The following SENP7 variants were observed in gnomAD, a reference collection of about 807,000 sequenced individuals.
The protein encoded by SENP7 is sentrin-specific protease 7.
SENP7 carries 64 observed loss-of-function variants against 141.2 expected under a neutral mutation model. The observed-to-expected ratio is 0.45, with a 90% confidence interval of 0.37 to 0.56. The LOEUF (loss-of-function observed/expected upper bound fraction) is 0.56. Among genes scored for constraint, SENP7 ranks in the 20% least tolerant of loss-of-function variants. SENP7 has a pLI of 0.00. For missense variants in SENP7, 1,025 were observed against 1,212.2 expected (o/e 0.85, Z 2.29); for synonymous variants, 382 against 426.4 (o/e 0.90, Z 1.28).
chr3:101,429,830 C>G (rs2062095537), intron 4 of SENP7, among the ~76,000 whole-genome samples: 1 of 152,136 alleles, frequency 6.6e-6, no homozygotes, highest in South Asian at 2.1e-4. Context: ...GTGGGTTTGT[C>G]ATAAATAGCT....
rs757589403 is a variant in SENP7 at position 101,367,983 on chromosome 3, A to T, written c.825T>A (p.Asp275Glu). 6.2e-6 allele frequency: 10 copies of T among 1,612,502 alleles called. No homozygotes were observed. The highest frequency in any genetic ancestry group is 1.7e-4 in the Middle Eastern group (1 of 6,054). ...EDLNSGSRGC[D>E]HLEQESRNKD... The stretch of plus-strand genomic sequence containing the variant: ...TGTTTCTGCTTTCCTGTTCGAGATG[A>T]TCACAACCTCTACTTCCACTGTTAA... Residue 275 changes from aspartate to glutamate, a missense_variant, in exon 8 of 24, where the codon GAT (aspartate) becomes GAA (glutamate). Physicochemically the swap from Asp to Glu is conservative, Grantham distance 45. Around this residue, in one of 4 missense-constraint regions of SENP7, gnomAD observed 496 missense variants for 503.5 expected, o/e 0.99. Transcript: ENST00000394095.
chr3:101,431,508 C>CTTTTTTTTTTTTTTTTTTTT (rs56937965), intron 4 of SENP7, among the ~76,000 whole-genome samples: 2 of 82,904 alleles, frequency 2.4e-5, no homozygotes, highest in African/African-American at 9.9e-5. Context: ...GCAACCCCTG[C>CTTTTTTTTTTTTTTTTTTTT]TTTTTTTTTT....
chr3:101,456,642 A>C (rs1409368915), intron 4 of SENP7, among the ~76,000 whole-genome samples: 1 of 152,216 alleles, frequency 6.6e-6, no homozygotes, highest in Non-Finnish European at 1.5e-5. Flanking sequence ...AAAATATTAG[A>C]GATAATGCCA....
chr3:101,483,531 C>A (rs1226068597), intron 3 of SENP7, among the ~76,000 whole-genome samples: 1 of 152,094 alleles, frequency 6.6e-6, no homozygotes, highest in Admixed American at 6.6e-5. Context: ...TTCCTACCTG[C>A]GTGACGGTAT....
At chr3:101,351,553 T>C in intron 12 of SENP7, 65 bp downstream of exon 12, 2 of 1,209,042 alleles carry the variant, frequency 1.7e-6, no homozygotes, top group Non-Finnish European at 1.1e-6. Flanking sequence ...TTAAACTTAG[T>C]TTTACTTAAA....
intron 17 of SENP7, among the ~76,000 whole-genome samples, chr3:101,333,907 G>A (rs1042531469): frequency 1.3e-5 from 2 of 152,168 alleles, no homozygotes; most frequent in African/African-American, 4.8e-5. Flanking sequence ...AATTTTTCCA[G>A]GGACAAGGTT....
intron 3 of SENP7, among the ~76,000 whole-genome samples, chr3:101,482,115 C>T (rs35810131): frequency 0.4 from 60,219 of 151,680 alleles, 12,452 homozygotes; most frequent in Admixed American, 0.54. Context: ...TCGAGACCAT[C>T]CTGGCTAACA....
chr3:101,379,314 C>T (rs1046783160), intron 6 of SENP7, among the ~76,000 whole-genome samples: 4 of 152,256 alleles, frequency 2.6e-5, no homozygotes, highest in Admixed American at 1.3e-4. Flanking sequence ...AAAATCTTCA[C>T]ATTAGATTTG....
intron 3 of SENP7, among the ~76,000 whole-genome samples, chr3:101,475,979 A>T (rs1057402297): frequency 3.5e-4 from 54 of 152,224 alleles, no homozygotes; most frequent in African/African-American, 1.3e-3. Flanking sequence ...TCTGCACTAT[A>T]GACCAAATGG....
In SENP7 at chr3:101,337,297, T is replaced by C. The variant is rs574962865; in HGVS notation, c.2480+212A>G. On this transcript the variant is annotated intron_variant, in intron 17 of 23. Transcript: ENST00000394095. ...AGGATTTCCCCCAGGGACATGCAAT[T>C]GGAAATGCAGACTGCAAGTGTCAGC... 6 of 316,010 alleles carry C rather than the reference T, an allele frequency of 1.9e-5. 1 individual carries two copies. The highest frequency in any genetic ancestry group is 3.0e-5 in the Non-Finnish European group (5 of 168,536). 19.6% of individuals were successfully genotyped at this position (316,010 alleles called of 1,614,324 possible). A position where few individuals can be genotyped will look rare whatever the true frequency, so the allele number is the denominator to read the frequency against.
At chr3:101,489,853 G>A (rs1428716660) in intron 3 of SENP7, among the ~76,000 whole-genome samples, 1 of 152,110 alleles carries the variant, frequency 6.6e-6, no homozygotes, top group Non-Finnish European at 1.5e-5. Flanking sequence ...CACAGAAAAT[G>A]TTTTTAACGT....
At chr3:101,454,331 A>G (rs998576082) in intron 4 of SENP7, among the ~76,000 whole-genome samples, 1 of 151,996 alleles carries the variant, frequency 6.6e-6, no homozygotes, top group Admixed American at 6.6e-5. Context: ...GGGCAACATA[A>G]CAAAACCTCA....
At chr3:101,347,721 CAAAAA>C in intron 13 of SENP7, 146 bp downstream of exon 13, 72 of 273,032 alleles carry the variant, frequency 2.6e-4, no homozygotes, top group Middle Eastern at 9.9e-4. Flanking sequence ...GACTCCATCT[CAAAAA>C]AAAAAAAAAA....
intron 4 of SENP7, among the ~76,000 whole-genome samples, chr3:101,434,029 T>C (rs533238016): frequency 6.6e-6 from 1 of 152,304 alleles, no homozygotes; most frequent in South Asian, 2.1e-4. Context: ...GACCATATGT[T>C]AGGTCAATAA....
At chr3:101,432,818 C>G (rs973115082) in intron 4 of SENP7, among the ~76,000 whole-genome samples, 2 of 152,122 alleles carry the variant, frequency 1.3e-5, no homozygotes, top group African/African-American at 4.8e-5. Context: ...CAAGTAAGCA[C>G]AGATAGAGAA....
chr3:101,398,850 A>G lies in SENP7; in HGVS notation c.677+11T>C. The G allele has an allele frequency of 6.6e-7, 1 of 1,522,910 alleles. No homozygotes were observed. The highest frequency in any genetic ancestry group is 8.9e-7 in the Non-Finnish European group (1 of 1,123,632). The allele number at this position is 1,522,910 out of a possible 1,614,324, so 94.3% of individuals were successfully genotyped here. On this transcript the variant is annotated intron_variant, in intron 6 of 23. Coordinates refer to ENST00000394095, the MANE Select transcript of SENP7 (RefSeq NM_020654.5). ...TATAATTATTTTGAGTAAAGTTATC[A>G]CTAAACATACCTTTCAGATAAATAA...
chr3:101,386,510 A>C (rs1030174738), intron 6 of SENP7, among the ~76,000 whole-genome samples: 1 of 152,218 alleles, frequency 6.6e-6, no homozygotes, highest in African/African-American at 2.4e-5. Flanking sequence ...AGTTACCAAC[A>C]GACGACATCA....
chr3:101,502,505 T>C (rs904556344), intron 1 of SENP7, among the ~76,000 whole-genome samples: 11 of 152,248 alleles, frequency 7.2e-5, no homozygotes, highest in Non-Finnish European at 1.3e-4. Flanking sequence ...TTTCTCCATG[T>C]TGGTCAGGCT....
chr3:101,430,852 A>C (rs1161484451), intron 4 of SENP7, among the ~76,000 whole-genome samples: 1 of 152,174 alleles, frequency 6.6e-6, no homozygotes, highest in East Asian at 1.9e-4. Context: ...ACTGCTTTAA[A>C]TGTGTCCCAG....
Sources: gnomAD v4.1 joint callset for allele counts (sites outside exome capture counted in the v4.1 genomes callset) on GRCh38, gnomAD v4.1.1 for gene constraint, gnomAD v4.1.1 regional missense constraint, MANE v1.5 for transcripts, NCBI Gene and HGNC (gene_info 2026-07-23, HGNC 2026-07-21) for gene names.